LETM2: variants seen among roughly 807,000 people sequenced by gnomAD.
LETM2 encodes the protein LETM1 domain-containing protein LETM2, mitochondrial.
A neutral mutation model predicts 59.6 loss-of-function variants in LETM2; 58 were observed. That is an observed-to-expected ratio of 0.97 (90% confidence interval 0.79 to 1.21). The LOEUF is 1.21. LETM2 is among the 50% of genes most tolerant of loss of function. The pLI is 0.00. For synonymous variants in LETM2, 199 were observed against 214.1 expected, an observed-to-expected ratio of 0.93 and a Z score of 0.62; for missense variants, 572 against 575.7, an observed-to-expected ratio of 0.99 and a Z score of 0.07.
chr8:38,395,571 A>G (rs947823346), intron 4 of LETM2, among the ~76,000 whole-genome samples: 1 of 151,792 alleles, frequency 6.6e-6, no homozygotes, highest in Non-Finnish European at 1.5e-5. Context: ...GCTGGAGTGC[A>G]GTGGTGCAAT....
At chr8:38,387,768 T>C (rs530715969) in intron 1 of LETM2, among the ~76,000 whole-genome samples, 182 bp from the exon 2 acceptor site, 1 of 152,270 alleles carries the variant, frequency 6.6e-6, no homozygotes, top group Admixed American at 6.6e-5. Context: ...AATCTCAAAG[T>C]ACCATTCTCA....
At chr8:38,402,194 A>G (rs544903765) in intron 6 of LETM2, among the ~76,000 whole-genome samples, 1 of 152,278 alleles carries the variant, frequency 6.6e-6, no homozygotes, top group South Asian at 2.1e-4. Flanking sequence ...CAAGTGAACT[A>G]CTTTTTTCTA....
chr8:38,388,618 G>A (rs1811964018), intron 2 of LETM2, among the ~76,000 whole-genome samples: 1 of 150,118 alleles, frequency 6.7e-6, no homozygotes, highest in Non-Finnish European at 1.5e-5. Flanking sequence ...CACTTGTGAG[G>A]CTGAGACAGG....
intron 10 of LETM2, among the ~76,000 whole-genome samples, chr8:38,407,829 A>C (rs890608132): frequency 3.3e-5 from 5 of 152,254 alleles, no homozygotes; most frequent in African/African-American, 1.2e-4. Context: ...AAATGCATGT[A>C]AATAAGAAAC....
intron 2 of LETM2, among the ~76,000 whole-genome samples, chr8:38,392,179 C>T (rs1812338263): frequency 6.6e-6 from 1 of 151,884 alleles, no homozygotes; most frequent in Admixed American, 6.6e-5. Context: ...AATTCCAGTA[C>T]TTAGGGAGGC....
At chr8:38,407,093 G>A in intron 9 of LETM2, 55 bp downstream of exon 9, 1 of 1,078,830 alleles carries the variant, frequency 9.3e-7, no homozygotes, top group South Asian at 1.3e-5. Flanking sequence ...AAATAGCAAT[G>A]GGTCATTTTC....
At chr8:38,402,445 T>C in intron 6 of LETM2, 80 bp from the exon 7 acceptor site, 1 of 1,512,344 alleles carries the variant, frequency 6.6e-7, no homozygotes, top group Non-Finnish European at 9.1e-7. Context: ...CTGATTCTGT[T>C]TCCACTGATT....
intron 6 of LETM2, chr8:38,401,789 A>G (rs147982373): frequency 1.3e-5 from 2 of 153,202 alleles, no homozygotes; most frequent in African/African-American, 2.4e-5. Context: ...TGCAAAGCAT[A>G]ATACTGGGAG....
intron 4 of LETM2, among the ~76,000 whole-genome samples, chr8:38,395,346 A>G (rs1812604496): frequency 6.6e-6 from 1 of 152,234 alleles, no homozygotes; most frequent in Non-Finnish European, 1.5e-5. Context: ...ACCAGCAACA[A>G]ATGAGAGTAC....
Position 38,389,507 on chromosome 8 carries a change from C to T in LETM2, c.47+1477C>T, listed in dbSNP as rs567528067. Among the ~76,000 whole-genome samples the T allele has an allele frequency of 5.0e-4, 76 of 152,106 alleles. 1 individual carries two copies. The South Asian group carries it at 7.7e-3, about 15-fold the overall frequency. The stretch of plus-strand genomic sequence containing the variant: ...TGCTGGGATTACAGGCGTGAGCCAC[C>T]GTGCCCGGCCACCATTTATTTATTC... On this transcript the variant is annotated intron_variant, in intron 2 of 10. Transcript: ENST00000379957.
At chr8:38,400,160 T>C in intron 4 of LETM2, 112 bp from the exon 5 acceptor site, 2 of 761,850 alleles carry the variant, frequency 2.6e-6, no homozygotes, top group Non-Finnish European at 4.1e-6. Context: ...AATCACGTTA[T>C]TACATGATGT....
chr8:38,388,839 C>T (rs1811985852), intron 2 of LETM2, among the ~76,000 whole-genome samples: 1 of 151,228 alleles, frequency 6.6e-6, no homozygotes, highest in African/African-American at 2.4e-5. Context: ...TATCTTGGCT[C>T]ACTGCAACCT....
intron 2 of LETM2, among the ~76,000 whole-genome samples, chr8:38,390,587 A>C (rs1181946778): frequency 2.3e-5 from 3 of 132,282 alleles, no homozygotes; most frequent in Non-Finnish European, 4.8e-5. Context: ...GCGTCACTGC[A>C]CTCCAGCCTG....
chr8:38,408,218 C>T lies in LETM2; in HGVS notation c.1420C>T (p.Gln474Ter). 2 of 1,612,514 alleles carry T rather than the reference C, an allele frequency of 1.2e-6. No homozygotes were observed. Among genetic ancestry groups the T allele is most frequent in the Non-Finnish European group, 1.7e-6 (2 of 1,179,252 alleles). The change falls in exon 11 of 11, where the codon CAG becomes TAG. Residue 474 changes from glutamine (Q) to a stop codon, truncating the protein, a stop_gained. Transcript: ENST00000379957. LOFTEE classifies it high-confidence loss of function. Reference protein sequence around the residue: ...PITSSEEPTLQAKSQMTAQNS... With the variant: ...PITSSEEPTL ...CCTTGTTTTTTACGCCTAGACACTC[C>T]AGGCCAAATCACAAATGACGGCCCA...
chr8:38,406,859 G>C, intron 8 of LETM2, 87 bp from the exon 9 acceptor site: 1 of 794,084 alleles, frequency 1.3e-6, no homozygotes, highest in Non-Finnish European at 2.2e-6. Context: ...AGCAAATAGT[G>C]CTAAAAAAGG....
upstream of LETM2, chr8:38,383,152 G>GTGAGGGACA (rs2150402480): frequency 6.6e-6 from 1 of 152,366 alleles, no homozygotes; most frequent in African/African-American, 2.4e-5. Context: ...ATCGAGGGAC[G>GTGAGGGACA]TGAGGGACAT....
chr8:38,384,357 C>T (rs892946302), upstream of LETM2, among the ~76,000 whole-genome samples: 1 of 152,110 alleles, frequency 6.6e-6, no homozygotes, highest in Non-Finnish European at 1.5e-5. Context: ...TCTTTTCCTG[C>T]AAAACATTAC....
upstream of LETM2, chr8:38,383,140 G>T (rs1811647476): frequency 3.3e-5 from 5 of 152,332 alleles, no homozygotes; most frequent in Admixed American, 2.0e-4. Flanking sequence ...CCAGACCTTC[G>T]CATCGAGGGA....
At chr8:38,396,735 G>C (rs1158591959) in intron 4 of LETM2, among the ~76,000 whole-genome samples, 1 of 151,832 alleles carries the variant, frequency 6.6e-6, no homozygotes, top group African/African-American at 2.4e-5. Flanking sequence ...TGAGACCCCT[G>C]TCTCTAAAAA....
Sources: gnomAD v4.1 joint callset for allele counts (sites outside exome capture counted in the v4.1 genomes callset) on GRCh38, gnomAD v4.1.1 for gene constraint, MANE v1.5 for transcripts, NCBI Gene and HGNC (gene_info 2026-07-23, HGNC 2026-07-21) for gene names.